The following HINT3 variants were observed in gnomAD, a reference collection of about 807,000 sequenced individuals.
HINT3 encodes the protein histidine triad nucleotide binding protein 3.
HINT3 carries 16 observed loss-of-function variants against 19.1 expected under a neutral mutation model. The observed-to-expected ratio is 0.84, with a 90% CI of 0.57 to 1.27. The LOEUF is 1.27. Among genes scored for constraint, HINT3 ranks in the 50% most tolerant of loss-of-function variants. The pLI is 0.00. For missense variants in HINT3, 197 were observed against 225.8 expected (o/e 0.87, Z 0.82); for synonymous variants, 75 against 84.8 (o/e 0.88, Z 0.63).
At chr6:125,977,092 T>G (rs1373554438) in intron 4 of HINT3, among the ~76,000 whole-genome samples, 1 of 152,208 alleles carries the variant, frequency 6.6e-6, no homozygotes, top group African/African-American at 2.4e-5. Context: ...TAGTTTACTT[T>G]TGAGTTGACT....
At chr6:125,957,203 G>T in intron 1 of HINT3, 25 bp downstream of exon 1, 12 of 1,536,566 alleles carry the variant, frequency 7.8e-6, no homozygotes, top group Non-Finnish European at 1.1e-5. Flanking sequence ...GCGGCCGGGG[G>T]TGGGTGAGGA....
intron 4 of HINT3, 25 bp from the exon 5 acceptor site, chr6:125,977,619 T>TA: frequency 7.7e-7 from 1 of 1,296,454 alleles, no homozygotes; most frequent in African/African-American, 1.5e-5. Context: ...TATCTAGAAT[T>TA]AAAAAGTATG....
chr6:125,961,834 T>C (rs1788931324), intron 1 of HINT3, among the ~76,000 whole-genome samples: 1 of 152,054 alleles, frequency 6.6e-6, no homozygotes, highest in Admixed American at 6.6e-5. Flanking sequence ...GATCTAATAC[T>C]AGTAGACTGA....
At chr6:125,960,648 C>A (rs1329428987) in intron 1 of HINT3, among the ~76,000 whole-genome samples, 2 of 90,568 alleles carry the variant, frequency 2.2e-5, no homozygotes, top group Non-Finnish European at 5.0e-5. Context: ...CAGAGCAAGA[C>A]TCTCTCTGGG....
chr6:125,963,745 C>G (rs1207285794), intron 1 of HINT3, among the ~76,000 whole-genome samples: 2 of 152,094 alleles, frequency 1.3e-5, no homozygotes, highest in African/African-American at 4.8e-5. Flanking sequence ...ATTAAAACAT[C>G]ATGGGAGGGG....
intron 1 of HINT3, among the ~76,000 whole-genome samples, chr6:125,962,157 TATACAC>T (rs1163892737): frequency 1.8e-4 from 11 of 61,242 alleles, no homozygotes; most frequent in African/African-American, 2.7e-4. Flanking sequence ...CCCATATATA[TATACAC>T]ATATATATAT....
intron 2 of HINT3, among the ~76,000 whole-genome samples, chr6:125,971,447 G>A (rs1397237346): frequency 3.9e-5 from 6 of 152,192 alleles, no homozygotes; most frequent in Admixed American, 3.9e-4. Flanking sequence ...TAGTGATGTT[G>A]CACTGAGGCT....
chr6:125,960,671 A>AGGGG (rs1562211533), intron 1 of HINT3, among the ~76,000 whole-genome samples: 2,837 of 92,008 alleles, frequency 0.031, 476 homozygotes, highest in South Asian at 0.078. Context: ...GGGGGAAAAA[A>AGGGG]AAAGAAGTTA....
intron 2 of HINT3, among the ~76,000 whole-genome samples, chr6:125,968,366 G>A (rs7743688): frequency 2.6e-5 from 4 of 152,066 alleles, no homozygotes; most frequent in Admixed American, 1.3e-4. Context: ...TAGCTGCATA[G>A]TATTACATGG....
At chr6:125,975,584 G>GTTTTTTTTTTT (rs397694163) in intron 4 of HINT3, among the ~76,000 whole-genome samples, 3 of 145,154 alleles carry the variant, frequency 2.1e-5, no homozygotes, top group African/African-American at 7.7e-5. Flanking sequence ...CTGAAGAGTT[G>GTTTTTTTTTTT]TTTTTTTTTT....
chr6:125,971,738 T>G (rs1204408611), intron 2 of HINT3, among the ~76,000 whole-genome samples: 1 of 103,642 alleles, frequency 9.6e-6, no homozygotes, highest in East Asian at 3.6e-4. Flanking sequence ...TGAGACAGAC[T>G]CTTGCTCTGT....
chr6:125,971,528 T>A (rs752066271), intron 2 of HINT3, among the ~76,000 whole-genome samples: 1 of 152,028 alleles, frequency 6.6e-6, no homozygotes, highest in Non-Finnish European at 1.5e-5. Flanking sequence ...AATGTCTTTA[T>A]TTTTTATTTT....
At chr6:125,972,235 T>C in intron 2 of HINT3, 24 bp from the exon 3 acceptor site, 1 of 1,485,458 alleles carries the variant, frequency 6.7e-7, no homozygotes, top group Non-Finnish European at 9.2e-7. Flanking sequence ...TCTAGTGTAA[T>C]GTTGTGTCTT....
At chr6:125,969,984 G>T (rs1789076214) in intron 2 of HINT3, among the ~76,000 whole-genome samples, 1 of 151,970 alleles carries the variant, frequency 6.6e-6, no homozygotes, top group African/African-American at 2.4e-5. Flanking sequence ...TCTTTCTCTT[G>T]CCTGATTGCT....
At chr6:125,957,836 A>G (rs1194798044) in intron 1 of HINT3, among the ~76,000 whole-genome samples, 2 of 152,234 alleles carry the variant, frequency 1.3e-5, no homozygotes, top group Admixed American at 6.5e-5. Context: ...TTACTTGTCC[A>G]TATAGAAACA....
intron 2 of HINT3, among the ~76,000 whole-genome samples, chr6:125,967,262 A>G (rs1219700292): frequency 2.0e-5 from 3 of 152,112 alleles, no homozygotes; most frequent in Non-Finnish European, 2.9e-5. Flanking sequence ...GTGATTGTGA[A>G]GCATAAACCA....
Position 125,972,206 on chromosome 6 carries a change from T to C in HINT3, c.320-53T>C, listed in dbSNP as rs1789111382. The stretch of plus-strand genomic sequence containing the variant: ...GACAAGAGTGAAGATCAATGGCAAT[T>C]TGTGACCTTAATGTCTCCTCTAGTG... On this transcript the variant is annotated intron_variant, in intron 2 of 4. Transcript: ENST00000229633. 8 of 1,174,344 alleles carry C rather than the reference T, an allele frequency of 6.8e-6. No individual in the cohort carries two copies. In the Admixed American group the frequency reaches 1.5e-4, roughly 23 times the overall value. 72.7% of individuals were successfully genotyped at this position (1,174,344 alleles called of 1,614,324 possible). A position where few individuals can be genotyped will look rare whatever the true frequency, so the allele number is the denominator to read the frequency against.
chr6:125,974,876 C>T lies in HINT3; in HGVS notation c.419C>T (p.Ser140Phe). The T allele has an allele frequency of 6.2e-7, 1 of 1,613,882 alleles. No homozygotes were observed. Among genetic ancestry groups the T allele is most frequent in the South Asian group, 1.1e-5 (1 of 91,056 alleles). The change falls in exon 4 of 5, where the codon TCC becomes TTC. Residue 140 changes from serine (S) to phenylalanine (F), a missense_variant. Transcript: ENST00000229633. ...RMGFHMPPFCSISHLHLHVLA... is the reference protein window; with the variant it reads ...RMGFHMPPFCFISHLHLHVLA... ...GGTTTTCATATGCCACCATTCTGTTCCATTTCCCACTTGCACCTTCATGTT... is the reference window on the plus strand; with the variant it reads ...GGTTTTCATATGCCACCATTCTGTTTCATTTCCCACTTGCACCTTCATGTT...
intron 1 of HINT3, among the ~76,000 whole-genome samples, chr6:125,963,181 A>G (rs1341543190): frequency 6.6e-6 from 1 of 152,170 alleles, no homozygotes; most frequent in East Asian, 1.9e-4. Context: ...GCCACACTCC[A>G]TCTGCTGGGT....
Sources: gnomAD v4.1 joint callset for allele counts (sites outside exome capture counted in the v4.1 genomes callset) on GRCh38, gnomAD v4.1.1 for gene constraint, MANE v1.5 for transcripts, NCBI Gene and HGNC (gene_info 2026-07-23, HGNC 2026-07-21) for gene names.